Variants in SRGAP3 observed in about 807,000 individuals in gnomAD.
SRGAP3 encodes the protein SLIT-ROBO Rho GTPase-activating protein 3.
Under a neutral mutation model 121.1 loss-of-function variants are expected in SRGAP3, and 39 were observed. The ratio of observed to expected loss-of-function variants is 0.32; its 90% CI spans 0.25 to 0.42. The LOEUF is 0.42. Ranked by LOEUF, SRGAP3 falls within the 10% of genes least tolerant of loss-of-function variation. SRGAP3 has a pLI of 1.00. For missense variants in SRGAP3, 1,213 were observed against 1,470.6 expected (o/e 0.82, Z 2.86); for synonymous variants, 601 against 570.0 (o/e 1.05, Z -0.77).
intron 1 of SRGAP3, among the ~76,000 whole-genome samples, chr3:9,341,436 C>T (rs1955786897): frequency 6.6e-6 from 1 of 152,208 alleles, no homozygotes; most frequent in African/African-American, 2.4e-5. Flanking sequence ...GCTATAGGAG[C>T]CTCCCCTGAA....
chr3:9,016,646 G>A (rs1014974747), intron 14 of SRGAP3, among the ~76,000 whole-genome samples: 9 of 152,142 alleles, frequency 5.9e-5, no homozygotes, highest in African/African-American at 2.2e-4. Context: ...AATGATACTC[G>A]AAGTGTCAAG....
At chr3:9,074,105 T>C (rs1429323221) in intron 4 of SRGAP3, among the ~76,000 whole-genome samples, 1 of 152,138 alleles carries the variant, frequency 6.6e-6, no homozygotes, top group South Asian at 2.1e-4. Flanking sequence ...GGAGCCAGCA[T>C]CACAGAGAGC....
At position 9,260,367 on chromosome 3, in the gene SRGAP3, C is replaced by T. The variant is rs543051551; in HGVS notation, n.442+65643G>A. Among the ~76,000 whole-genome samples, 43 of 152,266 alleles carry T rather than the reference C, an allele frequency of 2.8e-4. 1 individual carries two copies. In the South Asian group the frequency reaches 8.5e-3, roughly 30 times the overall value. ...AGTGATTGTGCTAAGTGGACCCCAC[C>T]CCCATGGAGTCCAGCAAGCTAAGAT... On this transcript the variant is annotated intron_variant and non_coding_transcript_variant, in intron 3 of 3. Transcript: ENST00000490889.
At chr3:9,130,945 T>C (rs1949422030) in intron 1 of SRGAP3, among the ~76,000 whole-genome samples, 1 of 152,238 alleles carries the variant, frequency 6.6e-6, no homozygotes, top group East Asian at 1.9e-4. Context: ...CCTCCCAGGC[T>C]GGGCTGTGCA....
At chr3:9,149,596 T>G (rs925126344) in intron 1 of SRGAP3, among the ~76,000 whole-genome samples, 3 of 152,208 alleles carry the variant, frequency 2.0e-5, no homozygotes, top group Non-Finnish European at 2.9e-5. Context: ...CTGTTTGCTC[T>G]TGCACCCCTG....
At chr3:9,197,152 G>A (rs1244276221) in intron 1 of SRGAP3, among the ~76,000 whole-genome samples, 2 of 152,198 alleles carry the variant, frequency 1.3e-5, no homozygotes, top group East Asian at 3.9e-4. Flanking sequence ...CTGGCCTAAA[G>A]AGGACACAAA....
At chr3:9,098,428 C>T (rs446500) in intron 3 of SRGAP3, among the ~76,000 whole-genome samples, 53,454 of 151,976 alleles carry the variant, frequency 0.35, 10,368 homozygotes, top group Non-Finnish European at 0.45. Flanking sequence ...AATGCCACCA[C>T]GCCTGGATAA....
chr3:9,162,961 G>C (rs927711967), intron 1 of SRGAP3, among the ~76,000 whole-genome samples: 1 of 152,212 alleles, frequency 6.6e-6, no homozygotes, highest in African/African-American at 2.4e-5. Flanking sequence ...CCACTTATCA[G>C]CTCTGTGATT....
chr3:9,251,063 G>C (rs1457414411), upstream of SRGAP3, among the ~76,000 whole-genome samples: 1 of 152,176 alleles, frequency 6.6e-6, no homozygotes, highest in East Asian at 1.9e-4. Context: ...GAAATGAATA[G>C]GTTATCCATG....
intron 3 of SRGAP3, among the ~76,000 whole-genome samples, chr3:9,257,694 G>T (rs1954160854): frequency 6.9e-5 from 7 of 101,746 alleles, no homozygotes; most frequent in East Asian, 3.2e-4. Flanking sequence ...AAACAAAATA[G>T]CTCCTTTTTT....
chr3:9,337,029 A>G (rs1955705268), intron 1 of SRGAP3, among the ~76,000 whole-genome samples: 1 of 152,126 alleles, frequency 6.6e-6, no homozygotes, highest in Non-Finnish European at 1.5e-5. Context: ...TGGCTGGCTG[A>G]CAATTTCTAA....
At chr3:9,115,837 A>C (rs1948784383) in intron 2 of SRGAP3, among the ~76,000 whole-genome samples, 1 of 152,176 alleles carries the variant, frequency 6.6e-6, no homozygotes, top group South Asian at 2.1e-4. Flanking sequence ...CCCTAGTTTC[A>C]GCTTTAAAAA....
chr3:9,026,085 C>A (rs916478412), intron 13 of SRGAP3, among the ~76,000 whole-genome samples: 21 of 152,160 alleles, frequency 1.4e-4, no homozygotes, highest in African/African-American at 5.1e-4. Flanking sequence ...ACCTTCCTCC[C>A]CATGCTAGGC....
At chr3:9,060,423 T>C in intron 5 of SRGAP3, 64 bp from the exon 6 acceptor site, 4 of 1,373,680 alleles carry the variant, frequency 2.9e-6, no homozygotes, top group Non-Finnish European at 3.9e-6. Flanking sequence ...TGTGATTTTC[T>C]ATTCCTTTTT....
intron 1 of SRGAP3, among the ~76,000 whole-genome samples, chr3:9,178,378 C>A (rs1271445708): frequency 6.6e-6 from 1 of 152,192 alleles, no homozygotes; most frequent in Non-Finnish European, 1.5e-5. Context: ...AGGAAACTGG[C>A]ACTGAGAAAT....
intron 5 of SRGAP3, among the ~76,000 whole-genome samples, chr3:9,061,943 ATAAAT>A (rs1946194064): frequency 6.6e-6 from 1 of 152,216 alleles, no homozygotes; most frequent in Non-Finnish European, 1.5e-5. Context: ...GTCTCTGTAA[ATAAAT>A]GGTTTTTCTC....
In SRGAP3 at chr3:9,320,089, A is replaced by G. The variant is rs773704715; in HGVS notation, n.442+5921T>C. 1.5e-4 allele frequency among the ~76,000 whole-genome samples: 23 copies of G among 151,894 alleles called. 1 individual carries two copies. The highest frequency in any genetic ancestry group is 7.9e-4 in the Admixed American group (12 of 15,264). ...CAGGGGTGAGTGTGTGACCCAATGC[A>G]GGCTAATCAGTGCCAATCTTGGTGC... On this transcript the variant is annotated intron_variant and non_coding_transcript_variant, in intron 3 of 3. Transcript: ENST00000490889.
chr3:9,291,844 A>T (rs999920951), intron 3 of SRGAP3, among the ~76,000 whole-genome samples: 1 of 152,222 alleles, frequency 6.6e-6, no homozygotes, highest in Non-Finnish European at 1.5e-5. Context: ...AAAAAAAAGA[A>T]GGCAACTGTA....
intron 3 of SRGAP3, among the ~76,000 whole-genome samples, chr3:9,322,255 T>C (rs758791425): frequency 8.6e-5 from 13 of 151,790 alleles, no homozygotes; most frequent in Non-Finnish European, 1.8e-4. Flanking sequence ...GTGGGAGTTG[T>C]GGCCGAACCT....
Sources: allele counts gnomAD v4.1 joint callset (sites outside exome capture counted in the v4.1 genomes callset), GRCh38; gene constraint gnomAD v4.1.1; transcripts MANE v1.5; gene names NCBI Gene and HGNC (gene_info 2026-07-23, HGNC 2026-07-21).